The following CFAP20DC variants were observed in gnomAD, a reference collection of about 807,000 sequenced individuals.
CFAP20DC encodes the protein CFAP20 domain containing.
CFAP20DC carries 84 observed loss-of-function variants against 101.7 expected under a neutral mutation model. The observed-to-expected ratio is 0.83, with a 90% CI of 0.69 to 0.99. The LOEUF is 0.99. CFAP20DC is among the 50% of genes least tolerant of loss of function. The pLI, the probability that CFAP20DC is intolerant of heterozygous loss-of-function variation, is 0.00. For missense variants in CFAP20DC, 1,007 were observed against 970.3 expected (o/e 1.04, Z -0.50); for synonymous variants, 359 against 351.2 (o/e 1.02, Z -0.25).
At chr3:58,838,532 A>G (rs1411957496) in intron 13 of CFAP20DC, among the ~76,000 whole-genome samples, 1 of 152,186 alleles carries the variant, frequency 6.6e-6, no homozygotes, top group Non-Finnish European at 1.5e-5. Flanking sequence ...AAAGAGATAG[A>G]TAACTTTCCA....
rs1318392319 is a variant in CFAP20DC at position 59,049,941 on chromosome 3, G to C, written c.-310C>G. ...GATTGTGTGTGTAACCTACGTGACG[G>C]GGCGCCCAGTCGCGGAGCCACAGAC... is the stretch of plus-strand genomic sequence containing the variant. On this transcript the variant is annotated 5_prime_UTR_variant, in exon 1 of 17. Coordinates refer to ENST00000482387, the MANE Select transcript of CFAP20DC (RefSeq NM_001394063.1). 11 of 343,946 alleles carry C rather than the reference G, an allele frequency of 3.2e-5. No individual in the cohort carries two copies. The highest frequency in any genetic ancestry group is 4.7e-5 in the Non-Finnish European group (9 of 189,924). The allele number at this position is 343,946 out of a possible 1,614,324, so 21.3% of individuals were successfully genotyped here.
intron 3 of CFAP20DC, among the ~76,000 whole-genome samples, chr3:59,043,708 T>C (rs1699614609): frequency 6.6e-6 from 1 of 152,032 alleles, no homozygotes; most frequent in Non-Finnish European, 1.5e-5. Context: ...ACCCTCCAAA[T>C]GACATATGTT....
chr3:58,821,415 C>T (rs1407528476), intron 14 of CFAP20DC, among the ~76,000 whole-genome samples: 1 of 152,060 alleles, frequency 6.6e-6, no homozygotes, highest in Non-Finnish European at 1.5e-5. Context: ...GGCTAATATC[C>T]AGAATCTACA....
downstream of CFAP20DC, among the ~76,000 whole-genome samples, chr3:58,737,725 G>C (rs923438545): frequency 1.6e-4 from 25 of 152,240 alleles, no homozygotes; most frequent in Middle Eastern, 3.4e-3. The surrounding 1 kb of genome is among the most constrained non-coding windows in gnomAD (Gnocchi z 4.1). Context: ...AAAACATTTT[G>C]GGAAACGCTG....
intron 4 of CFAP20DC, among the ~76,000 whole-genome samples, chr3:59,030,157 T>C (rs887298854): frequency 6.6e-6 from 1 of 152,220 alleles, no homozygotes; most frequent in Non-Finnish European, 1.5e-5. Context: ...CAGATACCTT[T>C]CTGTTATGTG....
At chr3:58,890,346 C>T (rs1333762160) in intron 6 of CFAP20DC, among the ~76,000 whole-genome samples, 11 of 140,196 alleles carry the variant, frequency 7.8e-5, no homozygotes, top group East Asian at 4.4e-4. Context: ...GGGCGGCTGG[C>T]CGGGCAGAGG....
chr3:58,829,369 A>G lies in CFAP20DC; in HGVS notation c.2175+2317T>C, dbSNP rs145453962. On this transcript the variant is annotated intron_variant, in intron 14 of 16. Transcript: ENST00000482387. ...ATTATTGTGATGAATAAAGTTATGA[A>G]TTCTTTTATTTCTTCTTTTTCACTG... Among the ~76,000 whole-genome samples, 524 of 151,972 alleles carry G rather than the reference A, an allele frequency of 3.4e-3. 5 individuals carry two copies. Among genetic ancestry groups the G allele is most frequent in the African/African-American group, 0.012 (498 of 41,444 alleles).
chr3:58,909,453 T>A (rs2083927499), intron 6 of CFAP20DC, among the ~76,000 whole-genome samples: 1 of 152,212 alleles, frequency 6.6e-6, no homozygotes, highest in Non-Finnish European at 1.5e-5. Context: ...TTTCTACACT[T>A]CTAACATTAA....
chr3:58,847,564 T>G (rs1173093833), intron 13 of CFAP20DC, among the ~76,000 whole-genome samples: 1 of 152,116 alleles, frequency 6.6e-6, no homozygotes, highest in Non-Finnish European at 1.5e-5. Context: ...TTTACACTGT[T>G]GCTGGGACTG....
intron 11 of CFAP20DC, among the ~76,000 whole-genome samples, chr3:58,865,621 G>C (rs574428973): frequency 6.6e-6 from 1 of 152,196 alleles, no homozygotes; most frequent in Non-Finnish European, 1.5e-5. Context: ...AAACCCTTTT[G>C]CATGGTGCTG....
chr3:58,836,122 A>G (rs1350170388), intron 13 of CFAP20DC, among the ~76,000 whole-genome samples: 1 of 152,112 alleles, frequency 6.6e-6, no homozygotes, highest in Non-Finnish European at 1.5e-5. Context: ...ATCTTTCTCC[A>G]GACATTATTG....
chr3:58,973,575 T>C (rs2092087002), intron 4 of CFAP20DC, among the ~76,000 whole-genome samples: 1 of 152,150 alleles, frequency 6.6e-6, no homozygotes, highest in African/African-American at 2.4e-5. Context: ...GCTCTGAGAA[T>C]GGAATCTAAA....
chr3:58,799,882 C>T lies in CFAP20DC; in HGVS notation c.2237+6513G>A, dbSNP rs17059848. On this transcript the variant is annotated intron_variant, in intron 15 of 16. Coordinates refer to ENST00000482387, the MANE Select transcript of CFAP20DC (RefSeq NM_001394063.1). The surrounding 1 kb of genome is among the most constrained non-coding windows in gnomAD (Gnocchi z 4.9). ...TTTAGGGTGGACACTAAGAAAGGGCCTCCTGAGGAGAGGATGTTTATTTAC... is the reference window on the plus strand; with the variant it reads ...TTTAGGGTGGACACTAAGAAAGGGCTTCCTGAGGAGAGGATGTTTATTTAC... Among the ~76,000 whole-genome samples the T allele has an allele frequency of 0.067, 10,117 of 152,092 alleles. 620 individuals carry two copies. Among genetic ancestry groups the T allele is most frequent in the East Asian group, 0.35 (1,817 of 5,164 alleles).
At chr3:58,848,967 T>C (rs920694377) in intron 13 of CFAP20DC, 65 bp downstream of exon 13, 6 of 1,464,124 alleles carry the variant, frequency 4.1e-6, no homozygotes, top group Non-Finnish European at 5.4e-6. Context: ...AAAACATGGG[T>C]GGAACAGAAC....
At chr3:58,807,349 G>A (rs917061705) in intron 14 of CFAP20DC, among the ~76,000 whole-genome samples, 1 of 152,252 alleles carries the variant, frequency 6.6e-6, no homozygotes, top group South Asian at 2.1e-4. Context: ...CACACGGGCG[G>A]GTACTCCTCT....
intron 6 of CFAP20DC, among the ~76,000 whole-genome samples, chr3:58,900,211 G>T (rs2083033068): frequency 6.6e-6 from 1 of 152,170 alleles, no homozygotes; most frequent in Non-Finnish European, 1.5e-5. Context: ...TCTGCCAAAG[G>T]ATTGTTAGCC....
At chr3:58,886,654 G>C (rs1419139685) in intron 6 of CFAP20DC, among the ~76,000 whole-genome samples, 2 of 151,986 alleles carry the variant, frequency 1.3e-5, no homozygotes, top group Non-Finnish European at 2.9e-5. Flanking sequence ...GGAGGCTGCA[G>C]TGAGCTATGA....
intron 5 of CFAP20DC, among the ~76,000 whole-genome samples, chr3:58,926,860 T>C (rs2086043844): frequency 6.6e-6 from 1 of 152,218 alleles, no homozygotes; most frequent in South Asian, 2.1e-4. Flanking sequence ...CACTTTGTTA[T>C]ATCTCCAATG....
chr3:58,884,928 C>CTTGCTCT (rs2081499309), intron 6 of CFAP20DC, among the ~76,000 whole-genome samples: 1 of 152,082 alleles, frequency 6.6e-6, no homozygotes, highest in African/African-American at 2.4e-5. Flanking sequence ...AAAGCTTACA[C>CTTGCTCT]TATATGGAGC....
Sources: gnomAD v4.1 joint callset for allele counts (sites outside exome capture counted in the v4.1 genomes callset) on GRCh38, gnomAD v4.1.1 for gene constraint, Gnocchi (gnomAD v3.1) non-coding constraint, MANE v1.5 for transcripts, NCBI Gene and HGNC (gene_info 2026-07-23, HGNC 2026-07-21) for gene names.